VPS13B: variants seen among roughly 807,000 people sequenced by gnomAD.
VPS13B encodes the protein intermembrane lipid transfer protein VPS13B.
Under a neutral mutation model 426.4 loss-of-function variants are expected in VPS13B, and 285 were observed. The observed-to-expected ratio is 0.67, with a 90% confidence interval of 0.61 to 0.74. The LOEUF (loss-of-function observed/expected upper bound fraction) is 0.74. Ranked by LOEUF, VPS13B falls within the 30% of genes least tolerant of loss-of-function variation. The pLI is 0.00. For synonymous variants in VPS13B, 1,676 were observed against 1,676.4 expected (o/e 1.00, Z 0.01); for missense variants, 4,537 against 4,782.6 (o/e 0.95, Z 1.51).
chr8:99,329,249 C>T (rs1357440924), intron 19 of VPS13B, among the ~76,000 whole-genome samples: 2 of 151,672 alleles, frequency 1.3e-5, no homozygotes, highest in East Asian at 1.9e-4. Context: ...AGGTATAAAC[C>T]CTGTATTTTA....
chr8:99,424,881 G>A (rs780780387), intron 21 of VPS13B, among the ~76,000 whole-genome samples: 2 of 151,892 alleles, frequency 1.3e-5, no homozygotes, highest in African/African-American at 4.8e-5. Flanking sequence ...TGACAAAGGG[G>A]TATCACCACC....
At chr8:99,027,146 G>A (rs1163446356) in intron 2 of VPS13B, among the ~76,000 whole-genome samples, 1 of 152,130 alleles carries the variant, frequency 6.6e-6, no homozygotes, top group African/African-American at 2.4e-5. Flanking sequence ...CAAAATGCTG[G>A]GAGTACATGT....
At chr8:99,354,085 T>C (rs1364046962) in intron 19 of VPS13B, among the ~76,000 whole-genome samples, 2 of 151,990 alleles carry the variant, frequency 1.3e-5, no homozygotes, top group Non-Finnish European at 2.9e-5. Flanking sequence ...TAACATGTTA[T>C]AACTACAAAT....
At chr8:99,396,268 A>G (rs72674605) in intron 21 of VPS13B, among the ~76,000 whole-genome samples, 11,010 of 152,144 alleles carry the variant, frequency 0.072, 481 homozygotes, top group African/African-American at 0.12. Context: ...ATTTAGAAAT[A>G]AATGATACAC....
At chr8:99,124,225 A>G (rs553521133) in intron 8 of VPS13B, among the ~76,000 whole-genome samples, 3 of 152,296 alleles carry the variant, frequency 2.0e-5, no homozygotes, top group East Asian at 1.9e-4. Context: ...GGATTTGACA[A>G]TGTGGAAATT....
At chr8:99,496,864 A>G (rs886563094) in intron 25 of VPS13B, among the ~76,000 whole-genome samples, 10 of 151,952 alleles carry the variant, frequency 6.6e-5, no homozygotes, top group Non-Finnish European at 1.2e-4. Flanking sequence ...TTAAAGGATT[A>G]TATTCTGTTG....
At chr8:99,229,078 C>A (rs1816176430) in intron 17 of VPS13B, among the ~76,000 whole-genome samples, 1 of 152,044 alleles carries the variant, frequency 6.6e-6, no homozygotes, top group Non-Finnish European at 1.5e-5. Flanking sequence ...GTTAGGTTTT[C>A]CAGAAAGTTG....
In VPS13B at chr8:99,819,573, A is replaced by G; in HGVS notation, c.8783A>G (p.Asp2928Gly). 1 of 1,613,614 alleles carries G rather than the reference A, an allele frequency of 6.2e-7. No homozygotes were observed. The highest frequency in any genetic ancestry group is 8.5e-7 in the Non-Finnish European group (1 of 1,179,800). The stretch of plus-strand genomic sequence containing the variant: ...CCCATATGGCCCTATAATAAGAAGG[A>G]TTCTGACAGGTAATATTCTTCAGTG... ...LQPIWPYNKK[D>G]SDRNEQLSQW... The change falls in exon 48 of 62, where the codon GAT becomes GGT. Residue 2928 changes from aspartate (D) to glycine (G), a missense_variant. This residue lies in a region of VPS13B where 4,311 missense variants were observed against 4,474.3 expected (regional missense o/e 0.96). Coordinates refer to ENST00000357162, the MANE Select transcript of VPS13B (RefSeq NM_152564.5).
At position 99,076,612 on chromosome 8, in the gene VPS13B, C is replaced by CTT. The variant is rs71273161; in HGVS notation, c.292-19686_292-19685dup. On this transcript the variant is annotated intron_variant, in intron 3 of 61. Coordinates refer to ENST00000357162, the MANE Select transcript of VPS13B (RefSeq NM_152564.5). Reference sequence around the variant, plus strand: ...ATCCTTTTATAATTAATGACTTTGTCTTTTTTTTTTTTTTTACAGTTTTTC... The same window carrying CTT: ...ATCCTTTTATAATTAATGACTTTGTCTTTTTTTTTTTTTTTTTACAGTTTTTC... 3.0e-3 allele frequency among the ~76,000 whole-genome samples: 417 copies of CTT among 139,706 alleles called. 3 individuals carry two copies. Among genetic ancestry groups the CTT allele is most frequent in the Middle Eastern group, 0.011 (3 of 268 alleles). 91.7% of individuals were successfully genotyped at this position (139,706 alleles called of 152,430 possible).
chr8:99,491,973 C>T (rs1350168266), intron 25 of VPS13B, among the ~76,000 whole-genome samples: 1 of 152,148 alleles, frequency 6.6e-6, no homozygotes, highest in Non-Finnish European at 1.5e-5. Context: ...AGCTTTTCTG[C>T]TCTGGTTTCT....
chr8:99,758,771 T>G (rs1810766948), intron 39 of VPS13B, among the ~76,000 whole-genome samples: 1 of 152,146 alleles, frequency 6.6e-6, no homozygotes, highest in African/African-American at 2.4e-5. Context: ...CTTTGCCCTC[T>G]GGATCATCTT....
At position 99,327,297 on chromosome 8, in the gene VPS13B, A is replaced by G. The variant is rs528147733; in HGVS notation, c.2824+52043A>G. 9.2e-5 allele frequency among the ~76,000 whole-genome samples: 14 copies of G among 152,332 alleles called. No homozygotes were observed. In the South Asian group the frequency reaches 2.9e-3, roughly 32 times the overall value. ...GTTTACCAATGACTAACCAAATATT[A>G]TTAAAGAACAGTGATTTTATTTGGG... is the stretch of plus-strand genomic sequence containing the variant. On this transcript the variant is annotated intron_variant, in intron 19 of 61. Transcript: ENST00000357162.
chr8:99,320,493 T>C (rs765592196), intron 19 of VPS13B, among the ~76,000 whole-genome samples: 1 of 152,234 alleles, frequency 6.6e-6, no homozygotes, highest in Non-Finnish European at 1.5e-5. Flanking sequence ...GCTATCTTTG[T>C]TGTGTTACTT....
intron 35 of VPS13B, among the ~76,000 whole-genome samples, chr8:99,667,911 G>A (rs747223104): frequency 6.6e-6 from 1 of 152,100 alleles, no homozygotes; most frequent in Non-Finnish European, 1.5e-5. Context: ...TGTCATTTAT[G>A]TTGAGATTGG....
Position 99,784,291 on chromosome 8 carries a change from GCTTT to G in VPS13B, c.7780-22_7780-19del, listed in dbSNP as rs781745355. On this transcript the variant is annotated intron_variant, in intron 42 of 61. Coordinates refer to ENST00000357162, the MANE Select transcript of VPS13B (RefSeq NM_152564.5). ...CTTACAATTAATCCGATCCATGTTGGCTTTCGTATCCTTTTTCTTTCAGAACAAA... is the reference window on the plus strand; with the variant it reads ...CTTACAATTAATCCGATCCATGTTGGCGTATCCTTTTTCTTTCAGAACAAA... The G allele has an allele frequency of 1.2e-5, 19 of 1,613,452 alleles. No homozygotes were observed. The South Asian group carries it at 2.1e-4, about 18-fold the overall frequency.
chr8:99,490,801 T>C (rs899382268), intron 25 of VPS13B, among the ~76,000 whole-genome samples: 2 of 152,178 alleles, frequency 1.3e-5, no homozygotes, highest in Non-Finnish European at 2.9e-5. Context: ...TTTTCTTCTT[T>C]ATTAGTCTTG....
chr8:99,778,838 G>C lies in VPS13B; in HGVS notation c.7586G>C (p.Cys2529Ser). The change falls in exon 42 of 62, where the codon TGT (cysteine) becomes TCT (serine). Residue 2529 changes from cysteine (C) to serine (S), a missense_variant. By Grantham distance (112) the Cys-to-Ser change is moderately radical (BLOSUM62 -1). This residue lies in a region of VPS13B where 4,311 missense variants were observed against 4,474.3 expected (regional missense o/e 0.96). Coordinates refer to ENST00000357162, the MANE Select transcript of VPS13B (RefSeq NM_152564.5). ...QEIQFLAQADCKLLECRNVTM... is the reference protein window; with the variant it reads ...QEIQFLAQADSKLLECRNVTM... ...ATCCAGTTCTTAGCTCAAGCAGACTGTAAACTTCTAGAGTGCAGAAATGTC... is the reference window on the plus strand; with the variant it reads ...ATCCAGTTCTTAGCTCAAGCAGACTCTAAACTTCTAGAGTGCAGAAATGTC... The C allele has an allele frequency of 1.2e-6, 2 of 1,614,018 alleles. No homozygotes were observed. The highest frequency in any genetic ancestry group is 1.7e-6 in the Non-Finnish European group (2 of 1,179,934).
At chr8:99,143,253 G>A (rs756416511) in intron 13 of VPS13B, 88 bp downstream of exon 13, 26 of 1,558,118 alleles carry the variant, frequency 1.7e-5, no homozygotes, top group Middle Eastern at 1.9e-4. Context: ...CTAACTTTAC[G>A]TTTTTAGTGT....
Position 99,818,698 on chromosome 8 carries a change from CTTTTA to C in VPS13B, c.8446-10_8446-6del, listed in dbSNP as rs773159446. 1.4e-5 allele frequency: 23 copies of C among 1,613,366 alleles called. No individual in the cohort carries two copies. Among genetic ancestry groups the C allele is most frequent in the Non-Finnish European group, 1.8e-5 (21 of 1,179,842 alleles). On this transcript the variant is annotated splice_polypyrimidine_tract_variant and intron_variant, in intron 46 of 61. Transcript: ENST00000357162. ...AAGCAAATATGAAAGTTGTTCTATC[CTTTTA>C]TTTTTATAGATTGTGTTCAGCCCTC...
Sources: allele counts gnomAD v4.1 joint callset (sites outside exome capture counted in the v4.1 genomes callset), GRCh38; gene constraint gnomAD v4.1.1; regional missense constraint gnomAD v4.1.1; transcripts MANE v1.5; gene names NCBI Gene and HGNC (gene_info 2026-07-23, HGNC 2026-07-21).